Variants in SLC14A2 observed in about 807,000 individuals in gnomAD.
SLC14A2 encodes urea transporter 2.
In SLC14A2, 91 loss-of-function variants were observed where a neutral mutation model predicts 104.6. The observed-to-expected ratio is 0.87, with a 90% CI of 0.73 to 1.04. The LOEUF is 1.04. Among genes scored for constraint, SLC14A2 ranks in the 50% least tolerant of loss-of-function variants. The pLI is 0.00. For missense variants in SLC14A2, 1,189 were observed against 1,156.0 expected (o/e 1.03, Z -0.41); for synonymous variants, 476 against 466.4 (o/e 1.02, Z -0.27).
intron 1 of SLC14A2, among the ~76,000 whole-genome samples, chr18:45,287,719 G>A (rs1245456678): frequency 6.6e-6 from 1 of 152,118 alleles, no homozygotes; most frequent in African/African-American, 2.4e-5. Context: ...TGGCTTCCAG[G>A]GCCTTTGGAT....
chr18:45,499,032 A>C (rs1020566459), intron 2 of SLC14A2, among the ~76,000 whole-genome samples: 2 of 152,182 alleles, frequency 1.3e-5, no homozygotes, highest in African/African-American at 4.8e-5. Flanking sequence ...TTTGGCCTGC[A>C]TGACTCTGTC....
chr18:45,682,346 T>C lies in SLC14A2; in HGVS notation c.2590T>C (p.Phe864Leu). 5 of 1,614,122 alleles carry C rather than the reference T, an allele frequency of 3.1e-6. No homozygotes were observed. Among genetic ancestry groups the C allele is most frequent in the Non-Finnish European group, 4.2e-6 (5 of 1,180,006 alleles). Residue 864 changes from phenylalanine to leucine, a missense_variant, in exon 20 of 20, where the codon TTC (phenylalanine) becomes CTC (leucine). Coordinates refer to ENST00000255226, the MANE Select transcript of SLC14A2 (RefSeq NM_007163.4). ...TGGATTGCCGCCCTGCACTTGGCCCTTCTGTCTCTCAGCTCTCACCTTCCT... is the reference window on the plus strand; with the variant it reads ...TGGATTGCCGCCCTGCACTTGGCCCCTCTGTCTCTCAGCTCTCACCTTCCT... ...VFGLPPCTWP[F>L]CLSALTFLLL... is the part of the protein sequence containing the mutation.
At chr18:45,663,015 T>C (rs1001127059) in intron 10 of SLC14A2, among the ~76,000 whole-genome samples, 1 of 152,210 alleles carries the variant, frequency 6.6e-6, no homozygotes, top group Admixed American at 6.5e-5. Flanking sequence ...CCCAATAGTG[T>C]GAAAACTGAA....
At chr18:45,562,350 T>A (rs571646158) in intron 2 of SLC14A2, among the ~76,000 whole-genome samples, 1 of 152,300 alleles carries the variant, frequency 6.6e-6, no homozygotes, top group South Asian at 2.1e-4. Flanking sequence ...AAGAGTGAAA[T>A]CTACATGGAT....
At chr18:45,355,391 C>T (rs1476086640) in intron 1 of SLC14A2, among the ~76,000 whole-genome samples, 6 of 151,680 alleles carry the variant, frequency 4.0e-5, no homozygotes, top group African/African-American at 1.5e-4. Context: ...CTGACCAATA[C>T]GGTGAAACCC....
At chr18:45,641,653 T>A (rs1244269355) in intron 8 of SLC14A2, among the ~76,000 whole-genome samples, 1 of 152,206 alleles carries the variant, frequency 6.6e-6, no homozygotes, top group Non-Finnish European at 1.5e-5. Context: ...ATTCAACAAC[T>A]GTTTATACAA....
intron 2 of SLC14A2, among the ~76,000 whole-genome samples, chr18:45,519,561 A>C (rs564801200): frequency 1.3e-5 from 2 of 152,264 alleles, no homozygotes; most frequent in African/African-American, 4.8e-5. Context: ...CCAGACACAT[A>C]ATTTACTGTT....
At chr18:45,326,222 T>A (rs1441907594) in intron 1 of SLC14A2, among the ~76,000 whole-genome samples, 1 of 152,178 alleles carries the variant, frequency 6.6e-6, no homozygotes, top group Admixed American at 6.5e-5. Context: ...GTCCAAAATA[T>A]ACATATGAGT....
intron 1 of SLC14A2, among the ~76,000 whole-genome samples, chr18:45,403,091 T>C (rs978454859): frequency 1.3e-5 from 2 of 152,190 alleles, no homozygotes; most frequent in African/African-American, 4.8e-5. Flanking sequence ...AAATCCAAGA[T>C]TAAGGTCCCA....
chr18:45,598,111 C>A (rs2044739417), intron 2 of SLC14A2, among the ~76,000 whole-genome samples: 1 of 152,184 alleles, frequency 6.6e-6, no homozygotes, highest in Non-Finnish European at 1.5e-5. Context: ...AGTTACAGCT[C>A]ACACGTACTG....
At chr18:45,512,527 GC>G (rs779350762) in intron 2 of SLC14A2, among the ~76,000 whole-genome samples, 6 of 152,168 alleles carry the variant, frequency 3.9e-5, no homozygotes, top group South Asian at 2.1e-4. Context: ...TTCCTGGTCA[GC>G]CCTTGCTTAC....
chr18:45,530,419 A>G (rs113995394), intron 2 of SLC14A2, among the ~76,000 whole-genome samples: 3 of 152,128 alleles, frequency 2.0e-5, no homozygotes, highest in Non-Finnish European at 4.4e-5. Flanking sequence ...AAACATAGAA[A>G]TATCCTTGTA....
At chr18:45,608,327 A>C (rs1400724597) in intron 2 of SLC14A2, among the ~76,000 whole-genome samples, 1 of 152,188 alleles carries the variant, frequency 6.6e-6, no homozygotes, top group Non-Finnish European at 1.5e-5. Context: ...GAAAACTGAC[A>C]CTTGTTGATA....
chr18:45,368,313 A>G (rs999562688), intron 1 of SLC14A2, among the ~76,000 whole-genome samples: 7 of 152,202 alleles, frequency 4.6e-5, no homozygotes, highest in Non-Finnish European at 1.0e-4. Flanking sequence ...TAGAAAAAGC[A>G]TGAGTTGAGG....
intron 16 of SLC14A2, among the ~76,000 whole-genome samples, chr18:45,672,023 G>T (rs940509201): frequency 5.2e-4 from 79 of 152,278 alleles, no homozygotes; most frequent in Non-Finnish European, 8.5e-4. Flanking sequence ...GATAGATGGA[G>T]CACGGAATCA....
intron 8 of SLC14A2, among the ~76,000 whole-genome samples, chr18:45,642,482 CAAAG>C (rs1327150971): frequency 1.3e-5 from 2 of 152,122 alleles, no homozygotes; most frequent in Non-Finnish European, 2.9e-5. Flanking sequence ...TCTGAGTTGA[CAAAG>C]AGAGAGGGAA....
chr18:45,327,516 C>T (rs967166524), intron 1 of SLC14A2, among the ~76,000 whole-genome samples: 7 of 152,152 alleles, frequency 4.6e-5, no homozygotes, highest in African/African-American at 1.2e-4. Context: ...ACACTTTACC[C>T]ATTCAAAAAC....
chr18:45,505,842 C>T (rs1166275500), intron 2 of SLC14A2, among the ~76,000 whole-genome samples: 1 of 152,206 alleles, frequency 6.6e-6, no homozygotes, highest in Non-Finnish European at 1.5e-5. Context: ...CCTAGCCTTG[C>T]CTCCTCTCTC....
intron 2 of SLC14A2, among the ~76,000 whole-genome samples, chr18:45,502,649 C>T (rs2043216345): frequency 6.6e-6 from 1 of 152,202 alleles, no homozygotes; most frequent in Admixed American, 6.5e-5. Context: ...AGCTCCGGAC[C>T]TCTGCAATCA....
Sources: allele counts gnomAD v4.1 joint callset (sites outside exome capture counted in the v4.1 genomes callset), GRCh38; gene constraint gnomAD v4.1.1; transcripts MANE v1.5; gene names NCBI Gene and HGNC (gene_info 2026-07-23, HGNC 2026-07-21).